Variants in PDE10A observed in about 807,000 individuals in gnomAD.
PDE10A encodes cAMP and cAMP-inhibited cGMP 3',5'-cyclic phosphodiesterase 10A.
PDE10A carries 39 observed loss-of-function variants against 97.7 expected under a neutral mutation model. That is an observed-to-expected ratio of 0.40 (90% CI 0.31 to 0.52). The LOEUF is 0.52. Ranked by LOEUF, PDE10A falls within the 20% of genes least tolerant of loss-of-function variation. The pLI is 0.56. For synonymous variants in PDE10A, 371 were observed against 376.8 expected (o/e 0.98, Z 0.18); for missense variants, 731 against 1,047.8 (o/e 0.70, Z 4.17).
At chr6:165,431,600 T>C in intron 7 of PDE10A, 128 bp from the exon 8 acceptor site, 1 of 287,508 alleles carries the variant, frequency 3.5e-6, no homozygotes, top group Non-Finnish European at 6.3e-6. Context: ...GTATACTATA[T>C]ATAATATATA....
At chr6:165,799,748 G>T (rs1395497545) in intron 1 of PDE10A, among the ~76,000 whole-genome samples, 1 of 152,000 alleles carries the variant, frequency 6.6e-6, no homozygotes, top group Non-Finnish European at 1.5e-5. Context: ...AACTCTCCTG[G>T]GCCTGATCAC....
intron 10 of PDE10A, among the ~76,000 whole-genome samples, chr6:165,427,621 TTAAA>T (rs757998274): frequency 3.9e-4 from 60 of 152,118 alleles, no homozygotes; most frequent in South Asian, 2.1e-3. Context: ...ATCGCACACT[TTAAA>T]TGGATGAACT....
chr6:165,900,131 C>G (rs1364319978), intron 1 of PDE10A, among the ~76,000 whole-genome samples: 3 of 152,324 alleles, frequency 2.0e-5, no homozygotes, highest in African/African-American at 7.2e-5. Flanking sequence ...GATGTGCTCT[C>G]TGTCCTAGAG....
intron 1 of PDE10A, among the ~76,000 whole-genome samples, chr6:165,767,009 C>G (rs940186344): frequency 6.6e-6 from 1 of 152,208 alleles, no homozygotes; most frequent in East Asian, 1.9e-4. Flanking sequence ...CCACAAATAA[C>G]AGGCTTGACT....
In PDE10A at chr6:165,620,665, G is replaced by T. The variant is rs574423233; in HGVS notation, c.865+41282C>A. 1.7e-3 allele frequency among the ~76,000 whole-genome samples: 262 copies of T among 152,308 alleles called. 2 individuals carry two copies. The highest frequency in any genetic ancestry group is 6.1e-3 in the African/African-American group (255 of 41,578). ...ACCTGGTGGCAAGGATCATGGAAGAGCCCAGAACTCTTCTGGACTCTACCT... is the reference window on the plus strand; with the variant it reads ...ACCTGGTGGCAAGGATCATGGAAGATCCCAGAACTCTTCTGGACTCTACCT... On this transcript the variant is annotated intron_variant, in intron 1 of 21. Coordinates refer to ENST00000539869, the MANE Select transcript of PDE10A (RefSeq NM_001385079.1).
intron 1 of PDE10A, among the ~76,000 whole-genome samples, chr6:165,849,825 A>AC (rs1404787618): frequency 6.6e-6 from 1 of 151,620 alleles, no homozygotes; most frequent in East Asian, 1.9e-4. Context: ...GTTTTAGGAA[A>AC]AAAAAATTGG....
chr6:165,468,246 T>A (rs1272671665), intron 3 of PDE10A, among the ~76,000 whole-genome samples: 2 of 150,872 alleles, frequency 1.3e-5, no homozygotes, highest in African/African-American at 4.9e-5. Context: ...GCTAGGCTAA[T>A]TTTTTTTTAT....
Position 165,466,459 on chromosome 6 carries a change from C to T in PDE10A, c.1023+15856G>A, listed in dbSNP as rs143896104. 8.1e-4 allele frequency among the ~76,000 whole-genome samples: 124 copies of T among 152,284 alleles called. 2 individuals carry two copies. In the East Asian group the frequency reaches 0.023, roughly 28 times the overall value. The stretch of plus-strand genomic sequence containing the variant: ...TCTGAATGTCAGCACAGGCATACGT[C>T]ATTTTGATTGTGCTTTGCTTTACTG... On this transcript the variant is annotated intron_variant, in intron 3 of 21. Coordinates refer to ENST00000539869, the MANE Select transcript of PDE10A (RefSeq NM_001385079.1).
chr6:165,406,512 T>C (rs1422520184), intron 13 of PDE10A, among the ~76,000 whole-genome samples: 1 of 152,142 alleles, frequency 6.6e-6, no homozygotes, highest in Non-Finnish European at 1.5e-5. Context: ...ATGAACCCTA[T>C]CCTTGCTCTA....
chr6:165,957,980 A>G (rs891814637), intron 1 of PDE10A, among the ~76,000 whole-genome samples: 1 of 152,188 alleles, frequency 6.6e-6, no homozygotes, highest in African/African-American at 2.4e-5. Context: ...AGCAGTGGGC[A>G]GTGGGTTTGA....
At chr6:165,659,165 T>C (rs1790110589) in intron 1 of PDE10A, among the ~76,000 whole-genome samples, 3 of 152,212 alleles carry the variant, frequency 2.0e-5, no homozygotes, top group Middle Eastern at 3.4e-3. Context: ...CCTCTACACA[T>C]GATTTGCTTT....
chr6:165,517,752 C>CA (rs762541992), intron 2 of PDE10A, among the ~76,000 whole-genome samples: 67 of 152,198 alleles, frequency 4.4e-4, no homozygotes, highest in African/African-American at 1.2e-3. Context: ...AAGGACGGCA[C>CA]AAAAAAGTGC....
intron 1 of PDE10A, among the ~76,000 whole-genome samples, chr6:165,983,775 A>G (rs1288094194): frequency 6.6e-6 from 1 of 152,194 alleles, no homozygotes; most frequent in Non-Finnish European, 1.5e-5. Context: ...TAGAGGCCCA[A>G]AGGGGTAAAA....
At chr6:165,499,056 C>G (rs1329804871) in intron 2 of PDE10A, among the ~76,000 whole-genome samples, 2 of 152,130 alleles carry the variant, frequency 1.3e-5, no homozygotes, top group Non-Finnish European at 2.9e-5. Flanking sequence ...GACCAGAGTA[C>G]TTTTCATTAA....
chr6:165,786,355 G>A (rs1389402811), intron 1 of PDE10A, among the ~76,000 whole-genome samples: 1 of 152,208 alleles, frequency 6.6e-6, no homozygotes, highest in Non-Finnish European at 1.5e-5. Context: ...TGTATGAAAA[G>A]AGTAATTAGC....
intron 1 of PDE10A, among the ~76,000 whole-genome samples, chr6:165,942,821 G>A (rs146647445): frequency 2.8e-4 from 43 of 152,276 alleles, no homozygotes; most frequent in Non-Finnish European, 5.3e-4. Flanking sequence ...GCCAATTCCA[G>A]GGTGTAACTA....
chr6:165,408,595 CTATTT>C (rs1282580660), intron 13 of PDE10A, among the ~76,000 whole-genome samples: 3 of 152,098 alleles, frequency 2.0e-5, no homozygotes, highest in South Asian at 2.1e-4. Flanking sequence ...ACATTTGGAG[CTATTT>C]TCTTTTATTT....
chr6:165,740,505 T>C (rs925683889), intron 1 of PDE10A, among the ~76,000 whole-genome samples: 4 of 152,122 alleles, frequency 2.6e-5, no homozygotes, highest in Non-Finnish European at 5.9e-5. Flanking sequence ...GCTAATTTTT[T>C]TGTATTTTTA....
At chr6:165,679,715 C>G (rs558002630) in intron 1 of PDE10A, among the ~76,000 whole-genome samples, 1 of 152,314 alleles carries the variant, frequency 6.6e-6, no homozygotes, top group East Asian at 1.9e-4. Flanking sequence ...CAAGCCTCAT[C>G]CATCGCTGTG....
Sources: allele counts gnomAD v4.1 joint callset (sites outside exome capture counted in the v4.1 genomes callset), GRCh38; gene constraint gnomAD v4.1.1; transcripts MANE v1.5; gene names NCBI Gene and HGNC (gene_info 2026-07-23, HGNC 2026-07-21).